FAM120B: variants seen among roughly 807,000 people sequenced by gnomAD.
FAM120B encodes family with sequence similarity 120 member B.
FAM120B carries 83 observed loss-of-function variants against 96.3 expected under a neutral mutation model. The observed-to-expected ratio is 0.86, with a 90% CI of 0.72 to 1.03. The LOEUF is 1.03. FAM120B is among the 50% of genes least tolerant of loss of function. The probability of loss-of-function intolerance (pLI) is 0.00; values close to 1 mark genes in which losing one functional copy is unlikely to be tolerated. For missense variants in FAM120B, 1,027 were observed against 1,121.2 expected, an observed-to-expected ratio of 0.92 and a Z score of 1.20; for synonymous variants, 407 against 402.7, an observed-to-expected ratio of 1.01 and a Z score of -0.13.
chr6:170,383,314 T>G (rs1310256806), intron 6 of FAM120B, among the ~76,000 whole-genome samples: 2 of 152,216 alleles, frequency 1.3e-5, no homozygotes, highest in Non-Finnish European at 2.9e-5. Flanking sequence ...GAAACATTTT[T>G]AATTCAACAT....
chr6:170,361,383 A>T (rs552642431), intron 6 of FAM120B, among the ~76,000 whole-genome samples: 1 of 151,880 alleles, frequency 6.6e-6, no homozygotes, highest in East Asian at 1.9e-4. Context: ...GAATACAAGA[A>T]CCCTTAACCT....
chr6:170,333,864 T>A (rs1253411313), intron 4 of FAM120B, among the ~76,000 whole-genome samples: 1 of 152,220 alleles, frequency 6.6e-6, no homozygotes, highest in Admixed American at 6.5e-5. Context: ...TTTTACAATA[T>A]ATCATGGAAG....
intron 8 of FAM120B, among the ~76,000 whole-genome samples, chr6:170,392,985 C>T (rs1202299095): frequency 1.3e-5 from 2 of 152,180 alleles, no homozygotes; most frequent in Non-Finnish European, 2.9e-5. Flanking sequence ...TACTCTCTCA[C>T]ATTGCCTGTT....
chr6:170,355,385 C>T (rs1303072368), intron 5 of FAM120B, among the ~76,000 whole-genome samples: 1 of 152,126 alleles, frequency 6.6e-6, no homozygotes, highest in African/African-American at 2.4e-5. Flanking sequence ...ACTATGCAGC[C>T]ATAAAAAGGA....
At chr6:170,398,067 A>T (rs1778283193) in intron 9 of FAM120B, among the ~76,000 whole-genome samples, 1 of 152,160 alleles carries the variant, frequency 6.6e-6, no homozygotes, top group Admixed American at 6.5e-5. Flanking sequence ...AGATGGGAGG[A>T]TGGGAAAGAG....
At chr6:170,333,753 T>G (rs1786224927) in intron 4 of FAM120B, among the ~76,000 whole-genome samples, 1 of 151,980 alleles carries the variant, frequency 6.6e-6, no homozygotes, top group African/African-American at 2.4e-5. Flanking sequence ...CCCAAAGTGC[T>G]GGGATTACAG....
chr6:170,332,473 G>A (rs919233489), intron 4 of FAM120B, among the ~76,000 whole-genome samples: 4 of 152,198 alleles, frequency 2.6e-5, no homozygotes, highest in African/African-American at 9.6e-5. Flanking sequence ...CGTGGCAGAT[G>A]GGTCACCTGA....
chr6:170,318,269 C>G lies in FAM120B; in HGVS notation c.879C>G (p.Asn293Lys), dbSNP rs1303344907. The change falls in exon 2 of 11, where the codon AAC (asparagine) becomes AAG (lysine). Residue 293 changes from asparagine to lysine, a missense_variant. Around this residue, in one of 3 missense-constraint regions of FAM120B, gnomAD observed 880 missense variants for 980.9 expected, o/e 0.90. Coordinates refer to ENST00000476287, the MANE Select transcript of FAM120B (RefSeq NM_032448.3). ...AAGAGATATTACCTCTGGGACCAAA[C>G]AAAGCTCTTTTTTATAAAGGAATGG... ...KLEEILPLGPNKALFYKGMAS... is the reference protein window; with the variant it reads ...KLEEILPLGPKKALFYKGMAS... The G allele has an allele frequency of 1.2e-6, 2 of 1,614,056 alleles. No homozygotes were observed. Among genetic ancestry groups the G allele is most frequent in the Non-Finnish European group, 1.7e-6 (2 of 1,179,992 alleles).
chr6:170,354,511 C>T (rs1787772964), intron 5 of FAM120B, among the ~76,000 whole-genome samples: 1 of 152,134 alleles, frequency 6.6e-6, no homozygotes, highest in South Asian at 2.1e-4. Context: ...ACTATGTATT[C>T]ATCTGACAGA....
In FAM120B at chr6:170,358,273, C is replaced by G; in HGVS notation, c.2238C>G (p.Ala746=). The G allele has an allele frequency of 6.2e-7, 1 of 1,607,158 alleles. No homozygotes were observed. Residue 746 remains alanine (A), a synonymous_variant, in exon 6 of 11, where the codon GCC becomes GCG. Transcript: ENST00000476287. ...ATTTGCATGCGTTTATTGCGCAGGC[C>G]TTGTGCCTCCAAGGAAAATCCACCT... The part of the protein sequence containing the change: ...LEDLHAFIAQ[A]LCLQGKSTSQ...
At chr6:170,291,131 C>G, upstream of FAM120B, 1 of 635,106 alleles carries the variant, frequency 1.6e-6, no homozygotes, top group Non-Finnish European at 2.9e-6. Flanking sequence ...CCCGCCCCCC[C>G]AGTCCTCCCC....
intron 6 of FAM120B, among the ~76,000 whole-genome samples, chr6:170,366,359 G>C (rs1788795857): frequency 2.0e-5 from 3 of 152,194 alleles, no homozygotes; most frequent in Admixed American, 1.3e-4. Context: ...TGGCTCCTAG[G>C]AAAGAGTAGG....
chr6:170,386,790 A>G lies in FAM120B; in HGVS notation c.2284-1497A>G, dbSNP rs977138224. On this transcript the variant is annotated intron_variant, in intron 6 of 10. Coordinates refer to ENST00000476287, the MANE Select transcript of FAM120B (RefSeq NM_032448.3). ...CCTGATGCAAAAATCTAACAAAGACATCACAAGAAATAGAAATTTAGGCCA... is the reference window on the plus strand; with the variant it reads ...CCTGATGCAAAAATCTAACAAAGACGTCACAAGAAATAGAAATTTAGGCCA... Among the ~76,000 whole-genome samples, 5 of 152,344 alleles carry G rather than the reference A, an allele frequency of 3.3e-5. No individual in the cohort carries two copies. The South Asian group carries it at 1.0e-3, about 32-fold the overall frequency.
chr6:170,368,027 A>C (rs1583277057), intron 6 of FAM120B, among the ~76,000 whole-genome samples: 1 of 152,226 alleles, frequency 6.6e-6, no homozygotes, highest in Admixed American at 6.5e-5. Flanking sequence ...TCCAGTTGAC[A>C]TAATAATTGT....
upstream of FAM120B, chr6:170,306,489 C>G (rs1784286458): frequency 6.6e-6 from 1 of 152,286 alleles, no homozygotes; most frequent in South Asian, 2.1e-4. Context: ...CAAAGAGGTT[C>G]AAGGGCGGCA....
At chr6:170,396,049 A>C (rs1367303275) in intron 9 of FAM120B, among the ~76,000 whole-genome samples, 1 of 152,244 alleles carries the variant, frequency 6.6e-6, no homozygotes, top group Non-Finnish European at 1.5e-5. Flanking sequence ...GTTTTAATGC[A>C]TGTATCGTGC....
intron 9 of FAM120B, among the ~76,000 whole-genome samples, chr6:170,401,457 C>A (rs902648893): frequency 6.6e-6 from 1 of 152,000 alleles, no homozygotes; most frequent in Admixed American, 6.6e-5. Context: ...AGAAGGAGGC[C>A]GTCCAGAAGC....
At chr6:170,347,042 TGTAA>T (rs1314470986) in intron 4 of FAM120B, among the ~76,000 whole-genome samples, 3 of 152,184 alleles carry the variant, frequency 2.0e-5, no homozygotes, top group Non-Finnish European at 4.4e-5. Flanking sequence ...ATTTTGGAAA[TGTAA>T]GTGAGTTTTG....
chr6:170,388,930 T>A (rs1257310185), intron 7 of FAM120B, among the ~76,000 whole-genome samples: 1 of 152,184 alleles, frequency 6.6e-6, no homozygotes, highest in Non-Finnish European at 1.5e-5. Context: ...TATATATGTA[T>A]TATATACTGT....
Sources: allele counts gnomAD v4.1 joint callset (sites outside exome capture counted in the v4.1 genomes callset), GRCh38; gene constraint gnomAD v4.1.1; regional missense constraint gnomAD v4.1.1; transcripts MANE v1.5; gene names NCBI Gene and HGNC (gene_info 2026-07-23, HGNC 2026-07-21).